The following RNF125 variants were observed in gnomAD, a reference collection of about 807,000 sequenced individuals.
RNF125 encodes the protein E3 ubiquitin-protein ligase RNF125.
In RNF125, 21 loss-of-function variants were observed where a neutral mutation model predicts 26.0. The observed-to-expected ratio is 0.81, with a 90% CI of 0.57 to 1.16. The LOEUF (loss-of-function observed/expected upper bound fraction) is 1.16. Among genes scored for constraint, RNF125 ranks in the 50% most tolerant of loss-of-function variants. The pLI is 0.00. For missense variants in RNF125, 270 were observed against 299.4 expected (o/e 0.90, Z 0.72); for synonymous variants, 95 against 109.2 (o/e 0.87, Z 0.81).
intron 4 of RNF125, among the ~76,000 whole-genome samples, chr18:32,064,396 CTTTTTT>C (rs775086863): frequency 2.2e-4 from 19 of 86,862 alleles, no homozygotes; most frequent in Admixed American, 4.9e-4. Context: ...TTTTCTTTTT[CTTTTTT>C]TTTTTTTTTT....
At chr18:32,089,240 A>C in the RNF125 span, among the ~76,000 whole-genome samples, 1 of 152,332 alleles carries the variant, frequency 6.6e-6, no homozygotes, top group African/African-American at 2.4e-5. Context: ...AGCAGAGAAA[A>C]TTAGTCTGGC....
chr18:32,037,851 C>T (rs1452101492), intron 2 of RNF125, among the ~76,000 whole-genome samples: 1 of 152,080 alleles, frequency 6.6e-6, no homozygotes, highest in East Asian at 1.9e-4. Context: ...AGTAGCCAAT[C>T]GCAGGGAGGA....
chr18:32,090,218 C>G, the RNF125 span, among the ~76,000 whole-genome samples: 1 of 152,254 alleles, frequency 6.6e-6, no homozygotes, highest in Admixed American at 6.5e-5. Flanking sequence ...TGCACCCCAG[C>G]CTGGGTGACA....
intron 4 of RNF125, among the ~76,000 whole-genome samples, chr18:32,049,340 C>T (rs186669579): frequency 9.4e-4 from 143 of 152,302 alleles, no homozygotes; most frequent in African/African-American, 3.2e-3. Context: ...AATTCTGTCA[C>T]TGTTTCATCA....
intron 4 of RNF125, 89 bp downstream of exon 4, chr18:32,045,821 C>A: frequency 1.3e-6 from 1 of 759,878 alleles, no homozygotes; most frequent in South Asian, 1.7e-5. Context: ...TTATAGATAC[C>A]TTATAAAGGA....
chr18:32,068,371 C>T lies in RNF125; in HGVS notation c.686C>T (p.Ser229Leu), dbSNP rs200813448. 1.2e-5 allele frequency: 19 copies of T among 1,578,664 alleles called. No individual in the cohort carries two copies. The highest frequency in any genetic ancestry group is 6.7e-5 in the Admixed American group (4 of 59,910). ...DRSLLEYVNH[S>L]NTT is the part of the protein sequence containing the mutation. ...TCACTTCTTGAATATGTGAATCACT[C>T]GAACACCACATAATTTTATTAAAAC... Residue 229 changes from serine to leucine, a missense_variant, in exon 6 of 6, where the codon TCG becomes TTG. Coordinates refer to ENST00000217740, the MANE Select transcript of RNF125 (RefSeq NM_017831.4).
At chr18:32,037,540 T>C (rs1294998699) in intron 2 of RNF125, among the ~76,000 whole-genome samples, 1 of 151,686 alleles carries the variant, frequency 6.6e-6, no homozygotes, top group Non-Finnish European at 1.5e-5. Flanking sequence ...GCCTGGCTAA[T>C]TTTTTGTATT....
chr18:32,045,583 G>C, intron 3 of RNF125, 59 bp from the exon 4 acceptor site: 1 of 1,104,224 alleles, frequency 9.1e-7, no homozygotes, highest in South Asian at 1.4e-5. Context: ...GAAAAAAAAA[G>C]TGACTACTAT....
downstream of RNF125, among the ~76,000 whole-genome samples, chr18:32,074,489 T>C (rs1187970486): frequency 6.6e-6 from 1 of 152,202 alleles, no homozygotes; most frequent in African/African-American, 2.4e-5. Context: ...AAAATGAGAC[T>C]AGCTTTCTAA....
At position 32,072,322 on chromosome 18, in the gene RNF125, G is replaced by C. The variant is rs2039540901; in HGVS notation, c.*3938G>C. The C allele has an allele frequency of 6.6e-6, 1 of 152,250 alleles. No homozygotes were observed. The highest frequency in any genetic ancestry group is 2.1e-4 in the South Asian group (1 of 4,834). The allele number at this position is 152,250 out of a possible 1,614,324, so 9.4% of individuals were successfully genotyped here. On this transcript the variant is annotated 3_prime_UTR_variant, in exon 6 of 6. Coordinates refer to ENST00000217740, the MANE Select transcript of RNF125 (RefSeq NM_017831.4). ...AAATGATCATCAGACTGAAAGTCCA[G>C]AGCCTGAGAAATGAAAACATATTTT...
rs769213914 is a variant in RNF125 at position 32,065,901 on chromosome 18, G to T, written c.505-1G>T. 1 of 1,603,360 alleles carries T rather than the reference G, an allele frequency of 6.2e-7. No homozygotes were observed. The highest frequency in any genetic ancestry group is 1.7e-5 in the Admixed American group (1 of 59,850). On this transcript the variant is annotated splice_acceptor_variant, in intron 4 of 5. Transcript: ENST00000217740. LOFTEE classifies it high-confidence loss of function. ...GAACCCCTGGTCTTGTTTGTTTCCA[G>T]TTCTGTCCACTTTGCCGTTTAATAC... is the stretch of plus-strand genomic sequence containing the variant.
Position 32,061,293 on chromosome 18 carries a change from G to C in RNF125, c.505-4609G>C, listed in dbSNP as rs144416134. Among the ~76,000 whole-genome samples, 1,107 of 152,234 alleles carry C rather than the reference G, an allele frequency of 7.3e-3. 14 individuals are homozygous for C. Among genetic ancestry groups the C allele is most frequent in the African/African-American group, 0.025 (1,048 of 41,542 alleles). On this transcript the variant is annotated intron_variant, in intron 4 of 5. Coordinates refer to ENST00000217740, the MANE Select transcript of RNF125 (RefSeq NM_017831.4). ...CCCACCTTGCCCTCCCAAAGTGCTG[G>C]GATTACAGGCGTGAGCCCCCGTGCC...
intron 1 of RNF125, among the ~76,000 whole-genome samples, chr18:32,031,911 T>TGA (rs1491279852): frequency 1.3e-5 from 2 of 151,682 alleles, no homozygotes; most frequent in Non-Finnish European, 2.9e-5. Flanking sequence ...CTTTTTTTTT[T>TGA]GAGAGAGAGA....
chr18:32,086,355 G>GTTTTT, the RNF125 span, among the ~76,000 whole-genome samples: 1 of 133,684 alleles, frequency 7.5e-6, no homozygotes. Flanking sequence ...AGATATTTGT[G>GTTTTT]TTTTTTTTTT....
chr18:32,019,032 G>A lies in RNF125; in HGVS notation c.164+5G>A. Reference sequence around the variant, plus strand: ...CCGGACCCGCTGTGGCCACGTGTAAGTTCCAGGGGAGCTCGGTTTGCGCCC... The same window carrying A: ...CCGGACCCGCTGTGGCCACGTGTAAATTCCAGGGGAGCTCGGTTTGCGCCC... On this transcript the variant is annotated splice_donor_5th_base_variant and intron_variant, in intron 1 of 5. Coordinates refer to ENST00000217740, the MANE Select transcript of RNF125 (RefSeq NM_017831.4). 19 of 1,611,562 alleles carry A rather than the reference G, an allele frequency of 1.2e-5. No individual in the cohort carries two copies. Among genetic ancestry groups the A allele is most frequent in the Non-Finnish European group, 1.6e-5 (19 of 1,178,946 alleles).
At chr18:32,054,313 G>T (rs1029327110) in intron 4 of RNF125, among the ~76,000 whole-genome samples, 1 of 152,062 alleles carries the variant, frequency 6.6e-6, no homozygotes, top group Non-Finnish European at 1.5e-5. Context: ...AGTTGGTCTT[G>T]AACTCCTGAC....
At chr18:32,027,476 A>G (rs181822066) in intron 1 of RNF125, among the ~76,000 whole-genome samples, 1 of 152,306 alleles carries the variant, frequency 6.6e-6, no homozygotes, top group Admixed American at 6.5e-5. Flanking sequence ...ATTGAAACCA[A>G]TACAAGAACT....
chr18:32,056,478 T>C (rs934929751), intron 4 of RNF125, among the ~76,000 whole-genome samples: 1 of 151,970 alleles, frequency 6.6e-6, no homozygotes, highest in Admixed American at 6.6e-5. Context: ...TAGCTGGGCA[T>C]GGTGGCCCAT....
rs1324395061 is a variant in RNF125, at chr18:32,071,664, G to A, written c.*3280G>A. ...ACATATAAGCATAGTCATAACCATG[G>A]TACCCAAAATTTTCTATAAGTTATT... On this transcript the variant is annotated 3_prime_UTR_variant, in exon 6 of 6. Transcript: ENST00000217740. 3 of 152,032 alleles carry A rather than the reference G, an allele frequency of 2.0e-5. No individual in the cohort carries two copies. The highest frequency in any genetic ancestry group is 2.9e-5 in the Non-Finnish European group (2 of 68,026). 9.4% of individuals were successfully genotyped at this position (152,032 alleles called of 1,614,324 possible).
Sources: gnomAD v4.1 joint callset for allele counts (sites outside exome capture counted in the v4.1 genomes callset) on GRCh38, gnomAD v4.1.1 for gene constraint, MANE v1.5 for transcripts, NCBI Gene and HGNC (gene_info 2026-07-23, HGNC 2026-07-21) for gene names.